The following CUL9 variants were observed in gnomAD, a reference collection of about 807,000 sequenced individuals.
The protein encoded by CUL9 is cullin-9.
CUL9 carries 79 observed loss-of-function variants against 272.6 expected under a neutral mutation model. The observed-to-expected ratio is 0.29, with a 90% CI of 0.24 to 0.35. CUL9 has a LOEUF of 0.35. Among genes scored for constraint, CUL9 ranks in the 10% least tolerant of loss-of-function variants. CUL9 has a pLI of 1.00. For missense variants in CUL9, 2,532 were observed against 3,255.6 expected, an observed-to-expected ratio of 0.78 and a Z score of 5.41; for synonymous variants, 1,186 against 1,286.5, an observed-to-expected ratio of 0.92 and a Z score of 1.67.
Position 43,203,699 on chromosome 6 carries a change from G to A in CUL9, c.4025+107G>A. 5 of 1,516,592 alleles carry A rather than the reference G, an allele frequency of 3.3e-6. No homozygotes were observed. The highest frequency in any genetic ancestry group is 4.5e-6 in the Non-Finnish European group (5 of 1,123,334). 93.9% of individuals were successfully genotyped at this position (1,516,592 alleles called of 1,614,324 possible). A position where few individuals can be genotyped will look rare whatever the true frequency, so the allele number is the denominator to read the frequency against. On this transcript the variant is annotated intron_variant, in intron 19 of 40. Transcript: ENST00000252050. The surrounding 1 kb of genome is among the most constrained non-coding windows in gnomAD (Gnocchi z 5.0). ...GAAGGGAAAGCTGCAGCCAGGACAT[G>A]AGGGGGAAGGTGAACGTAGGTGAGA...
Position 43,188,688 on chromosome 6 carries a change from C to G in CUL9, c.2153C>G (p.Pro718Arg). Residue 718 changes from proline to arginine, a missense_variant, in exon 8 of 41, where the codon CCT becomes CGT. This residue lies in a region of CUL9 where 2,218 missense variants were observed against 2,788.6 expected (regional missense o/e 0.80). Coordinates refer to ENST00000252050, the MANE Select transcript of CUL9 (RefSeq NM_015089.4). ...GAGGAGGTCACTGAGCGGGACCACC[C>G]TCTGGTCCGTCCTGACAGATCGCTG... ...AVEEVTERDH[P>R]LVRPDRSLRE... 3 of 1,613,506 alleles carry G rather than the reference C, an allele frequency of 1.9e-6. No individual in the cohort carries two copies. Among genetic ancestry groups the G allele is most frequent in the Non-Finnish European group, 2.5e-6 (3 of 1,179,760 alleles).
Position 43,216,152 on chromosome 6 carries a change from C to G in CUL9, c.5937-6C>G. The stretch of plus-strand genomic sequence containing the variant: ...TACTGACTTCTGTCTCTTCCCTCCC[C>G]ACAAGCCCAGAAGCTGTGGCTACCC... On this transcript the variant is annotated splice_region_variant and splice_polypyrimidine_tract_variant and intron_variant, in intron 30 of 40. Transcript: ENST00000252050. 3 of 1,598,336 alleles carry G rather than the reference C, an allele frequency of 1.9e-6. No homozygotes were observed. Among genetic ancestry groups the G allele is most frequent in the Non-Finnish European group, 8.6e-7 (1 of 1,167,322 alleles).
chr6:43,196,444 T>TTACCAGAA, intron 10 of CUL9, 179 bp downstream of exon 10: 1 of 770,656 alleles, frequency 1.3e-6, no homozygotes, highest in Non-Finnish European at 2.1e-6. Flanking sequence ...GATAGGGAGA[T>TTACCAGAA]TCCCAGAGAG....
At chr6:43,204,660 T>C (rs1011017425) in intron 21 of CUL9, 88 bp from the exon 22 acceptor site, 3 of 1,579,828 alleles carry the variant, frequency 1.9e-6, no homozygotes, top group East Asian at 4.5e-5. Context: ...TGAGACCTAC[T>C]GGCCTTTCCA....
rs768542487 is a variant in CUL9 at position 43,196,738 on chromosome 6, G to A, written c.2679G>A (p.Leu893=). ...GAGACCAGATTATAACCCAAGAGCT[G>A]AGAGACACGTTGTTTAGGCACTCAG... The part of the protein sequence containing the change: ...TLGDQIITQE[L]RDTLFRHSGI... The change falls in exon 11 of 41, where the codon CTG becomes CTA. Residue 893 remains leucine, a synonymous_variant. Transcript: ENST00000252050. 3.7e-6 allele frequency: 6 copies of A among 1,614,214 alleles called. No homozygotes were observed. In the Admixed American group the frequency reaches 1.0e-4, roughly 27 times the overall value.
chr6:43,216,168 G>C lies in CUL9; in HGVS notation c.5947G>C (p.Val1983Leu). ...SETSKPSPEA[V>L]ATLASLQLPA... ...TTCCCTCCCCACAAGCCCAGAAGCT[G>C]TGGCTACCCTGGCATCTCTACAGCT... is the stretch of plus-strand genomic sequence containing the variant. The change falls in exon 31 of 41, where the codon GTG becomes CTG. Residue 1983 changes from valine to leucine, a missense_variant. Around this residue, in one of 3 missense-constraint regions of CUL9, gnomAD observed 2,218 missense variants for 2,788.6 expected, o/e 0.80. Transcript: ENST00000252050. 1 of 1,602,656 alleles carries C rather than the reference G, an allele frequency of 6.2e-7. No homozygotes were observed. Among genetic ancestry groups the C allele is most frequent in the Non-Finnish European group, 8.5e-7 (1 of 1,170,554 alleles).
Position 43,196,693 on chromosome 6 carries a change from G to T in CUL9, c.2634G>T (p.Leu878Phe), listed in dbSNP as rs751758496. 1.9e-6 allele frequency: 3 copies of T among 1,614,022 alleles called. No individual in the cohort carries two copies. The highest frequency in any genetic ancestry group is 2.7e-5 in the African/African-American group (2 of 74,910). ...GCTTACTCCTGCTCAACCTACTTTT[G>T]TGCAACCACCACACTCTGGGAGACC... ...RNGLLLLNLL[L>F]CNHHTLGDQI... Residue 878 changes from leucine to phenylalanine, a missense_variant, in exon 11 of 41, where the codon TTG (leucine) becomes TTT (phenylalanine). Leu to Phe is a conservative substitution (Grantham distance 22). Around this residue, in one of 3 missense-constraint regions of CUL9, gnomAD observed 2,218 missense variants for 2,788.6 expected, o/e 0.80. Transcript: ENST00000252050.
chr6:43,206,552 T>G lies in CUL9; in HGVS notation c.5212+42T>G. The G allele has an allele frequency of 6.3e-7, 1 of 1,593,744 alleles. No homozygotes were observed. The highest frequency in any genetic ancestry group is 8.6e-7 in the Non-Finnish European group (1 of 1,161,960). ...AGGAAATTGGAGATCGGGGTGAGAT[T>G]CGGGGTGGCAAGAGAGGAAGAGGAG... On this transcript the variant is annotated intron_variant, in intron 26 of 40. Coordinates refer to ENST00000252050, the MANE Select transcript of CUL9 (RefSeq NM_015089.4). This position sits in a 1 kb window ranked among gnomAD's most constrained non-coding sequence, Gnocchi z 4.8.
At position 43,186,461 on chromosome 6, in the gene CUL9, C is replaced by A; in HGVS notation, c.1251+6C>A. The A allele has an allele frequency of 3.2e-6, 5 of 1,579,340 alleles. No homozygotes were observed. Among genetic ancestry groups the A allele is most frequent in the Non-Finnish European group, 4.3e-6 (5 of 1,157,698 alleles). The stretch of plus-strand genomic sequence containing the variant: ...ACGGCATTCCCCCTGTGCAGGTGGG[C>A]AGCACATGGTGGTGAGACACTGTTG... On this transcript the variant is annotated splice_donor_region_variant and intron_variant, in intron 4 of 40. Transcript: ENST00000252050.
Position 43,185,447 on chromosome 6 carries a change from G to A in CUL9, c.596-9G>A. 1 of 1,612,764 alleles carries A rather than the reference G, an allele frequency of 6.2e-7. No individual in the cohort carries two copies. Among genetic ancestry groups the A allele is most frequent in the Non-Finnish European group, 8.5e-7 (1 of 1,179,704 alleles). ...TGAGGAGAAGATATGGATTGGGTAT[G>A]GATTACAGGGAGTCGGGCTCACGTC... On this transcript the variant is annotated splice_polypyrimidine_tract_variant and intron_variant, in intron 2 of 40. Transcript: ENST00000252050.
chr6:43,220,592 T>C lies in CUL9; in HGVS notation c.6416T>C (p.Ile2139Thr), dbSNP rs1221588587. Reference protein sequence around the residue: ...IRAIVSSPEVISKYEKALLRG... With the variant: ...IRAIVSSPEVTSKYEKALLRG... ...GCCATCGTCTCCTCGCCAGAGGTCA[T>C]CTCCAAGGTATCCCCTCTCGTCTGA... is the stretch of plus-strand genomic sequence containing the variant. Residue 2139 changes from isoleucine to threonine, a missense_variant, in exon 32 of 41, where the codon ATC (isoleucine) becomes ACC (threonine). By Grantham distance (89) the Ile-to-Thr change is moderately conservative. Coordinates refer to ENST00000252050, the MANE Select transcript of CUL9 (RefSeq NM_015089.4). This position sits in a 1 kb window ranked among gnomAD's most constrained non-coding sequence, Gnocchi z 4.9. 1.2e-6 allele frequency: 2 copies of C among 1,613,930 alleles called. No homozygotes were observed. Among genetic ancestry groups the C allele is most frequent in the African/African-American group, 1.3e-5 (1 of 74,892 alleles).
intron 6 of CUL9, 91 bp downstream of exon 6, chr6:43,187,530 G>T (rs1043329627): frequency 2.9e-5 from 41 of 1,417,506 alleles, no homozygotes; most frequent in South Asian, 2.2e-4. Context: ...TACCGCTTAG[G>T]GGGAGGCTGG....
At chr6:43,205,465 T>G in intron 24 of CUL9, 42 bp downstream of exon 24, 1 of 1,591,938 alleles carries the variant, frequency 6.3e-7, no homozygotes, top group African/African-American at 1.3e-5. Context: ...GAGGCCTAGA[T>G]CTAGAGAGTG....
In CUL9 at chr6:43,218,914, C is replaced by T. The variant is rs1014447415; in HGVS notation, c.6283-1545C>T. 6.6e-6 allele frequency among the ~76,000 whole-genome samples: 1 copy of T among 151,970 alleles called. No individual in the cohort carries two copies. The highest frequency in any genetic ancestry group is 2.4e-5 in the African/African-American group (1 of 41,344). On this transcript the variant is annotated intron_variant, in intron 31 of 40. Coordinates refer to ENST00000252050, the MANE Select transcript of CUL9 (RefSeq NM_015089.4). This position sits in a 1 kb window ranked among gnomAD's most constrained non-coding sequence, Gnocchi z 4.4. ...GCAGAGAGGCCTGGCAGGCCTTACCCAAGGAGAAAGAAGCAGACCCAGGGA... is the reference window on the plus strand; with the variant it reads ...GCAGAGAGGCCTGGCAGGCCTTACCTAAGGAGAAAGAAGCAGACCCAGGGA...
Position 43,203,698 on chromosome 6 carries a change from T to C in CUL9, c.4025+106T>C. On this transcript the variant is annotated intron_variant, in intron 19 of 40. Coordinates refer to ENST00000252050, the MANE Select transcript of CUL9 (RefSeq NM_015089.4). This position sits in a 1 kb window ranked among gnomAD's most constrained non-coding sequence, Gnocchi z 5.0. ...GGAAGGGAAAGCTGCAGCCAGGACA[T>C]GAGGGGGAAGGTGAACGTAGGTGAG... 6.6e-7 allele frequency: 1 copy of C among 1,516,458 alleles called. No individual in the cohort carries two copies. Among genetic ancestry groups the C allele is most frequent in the Non-Finnish European group, 8.9e-7 (1 of 1,122,414 alleles). 93.9% of individuals were successfully genotyped at this position (1,516,458 alleles called of 1,614,324 possible).
At chr6:43,202,673 G>A (rs1386366819) in intron 16 of CUL9, 43 bp from the exon 17 acceptor site, 13 of 1,566,374 alleles carry the variant, frequency 8.3e-6, no homozygotes, top group Admixed American at 5.0e-5. Context: ...GAGCCACCAC[G>A]TCCAGAGGCC....
intron 24 of CUL9, 37 bp from the exon 25 acceptor site, chr6:43,205,970 C>A (rs1286578011): frequency 7.5e-6 from 12 of 1,592,364 alleles, no homozygotes; most frequent in Non-Finnish European, 1.0e-5. Context: ...ACGCTGGCAC[C>A]CACACTGAGG....
At chr6:43,205,962 G>T in intron 24 of CUL9, 45 bp from the exon 25 acceptor site, 1 of 1,574,960 alleles carries the variant, frequency 6.3e-7, no homozygotes, top group South Asian at 1.1e-5. Context: ...GCTGGGCCAC[G>T]CTGGCACCCA....
At position 43,218,271 on chromosome 6, in the gene CUL9, C is replaced by T. The variant is rs1776073175; in HGVS notation, c.6282+1768C>T. On this transcript the variant is annotated intron_variant, in intron 31 of 40. Transcript: ENST00000252050. This position sits in a 1 kb window ranked among gnomAD's most constrained non-coding sequence, Gnocchi z 4.4. ...TCACTCTGTCACCCAGGCTGCAGTGCAGTGGCGCGATCTCGGCTCATTGCA... is the reference window on the plus strand; with the variant it reads ...TCACTCTGTCACCCAGGCTGCAGTGTAGTGGCGCGATCTCGGCTCATTGCA... Among the ~76,000 whole-genome samples the T allele has an allele frequency of 6.6e-6, 1 of 152,088 alleles. No homozygotes were observed. The highest frequency in any genetic ancestry group is 1.5e-5 in the Non-Finnish European group (1 of 68,026).
Sources: allele counts gnomAD v4.1 joint callset (sites outside exome capture counted in the v4.1 genomes callset), GRCh38; gene constraint gnomAD v4.1.1; regional missense constraint gnomAD v4.1.1; non-coding constraint Gnocchi (gnomAD v3.1); transcripts MANE v1.5; gene names NCBI Gene and HGNC (gene_info 2026-07-23, HGNC 2026-07-21).